The following MYT1L variants were observed in gnomAD, a reference collection of about 807,000 sequenced individuals.
The protein encoded by MYT1L is myelin transcription factor 1 like, also known as myelin transcription factor 1-like protein.
A neutral mutation model predicts 126.7 loss-of-function variants in MYT1L; 12 were observed. The ratio of observed to expected loss-of-function variants is 0.09; its 90% CI spans 0.06 to 0.15. The LOEUF is 0.15. MYT1L is among the 10% of genes least tolerant of loss of function. MYT1L has a pLI of 1.00. For missense variants in MYT1L, 979 were observed against 1,585.2 expected, an observed-to-expected ratio of 0.62 and a Z score of 6.49; for synonymous variants, 541 against 604.2, an observed-to-expected ratio of 0.90 and a Z score of 1.53.
At chr2:1,956,633 T>C (rs1255104087) in intron 8 of MYT1L, among the ~76,000 whole-genome samples, 1 of 151,692 alleles carries the variant, frequency 6.6e-6, no homozygotes, top group Non-Finnish European at 1.5e-5. Context: ...CCTACCTACC[T>C]ATCTAGCTAT....
chr2:1,990,270 T>C lies in MYT1L; in HGVS notation c.-1+6921A>G, dbSNP rs191797634. 3.2e-3 allele frequency among the ~76,000 whole-genome samples: 487 copies of C among 152,316 alleles called. 2 individuals carry two copies. Among genetic ancestry groups the C allele is most frequent in the African/African-American group, 0.011 (475 of 41,568 alleles). ...TACCACCAGTGAGGGCTCCTCACCC[T>C]CTATCCTCTATTGTACCTATTTATA... On this transcript the variant is annotated intron_variant, in intron 5 of 24. Coordinates refer to ENST00000647738, the MANE Select transcript of MYT1L (RefSeq NM_001303052.2).
chr2:2,133,204 A>G (rs774448414), intron 3 of MYT1L, among the ~76,000 whole-genome samples: 1 of 152,210 alleles, frequency 6.6e-6, no homozygotes, highest in Non-Finnish European at 1.5e-5. Context: ...GGAAGATCAC[A>G]GGACGGCAGT....
intron 18 of MYT1L, among the ~76,000 whole-genome samples, chr2:1,878,854 C>T (rs751772580): frequency 6.6e-6 from 1 of 152,110 alleles, no homozygotes; most frequent in Non-Finnish European, 1.5e-5. Flanking sequence ...TGGAGGTAGA[C>T]GAGATGTCTC....
intron 3 of MYT1L, among the ~76,000 whole-genome samples, chr2:2,138,845 TAAAAAAA>T (rs762275890): frequency 1.5e-5 from 2 of 129,996 alleles, no homozygotes; most frequent in South Asian, 2.5e-4. Context: ...AAAGTATAAT[TAAAAAAA>T]AAAAAAAAAG....
At chr2:2,045,559 A>G (rs2068074846) in intron 4 of MYT1L, among the ~76,000 whole-genome samples, 1 of 152,172 alleles carries the variant, frequency 6.6e-6, no homozygotes, top group African/African-American at 2.4e-5. Flanking sequence ...TCTTTTGCTC[A>G]CCCCTCTCAT....
At chr2:2,048,771 C>T (rs185096647) in intron 4 of MYT1L, among the ~76,000 whole-genome samples, 1,720 of 152,236 alleles carry the variant, frequency 0.011, 18 homozygotes, top group Non-Finnish European at 0.018. Flanking sequence ...ATCAGGGTGT[C>T]GCCTGACTTC....
At chr2:2,123,721 A>G (rs1388361054) in intron 3 of MYT1L, among the ~76,000 whole-genome samples, 1 of 152,160 alleles carries the variant, frequency 6.6e-6, no homozygotes, top group African/African-American at 2.4e-5. Context: ...TAAATTACTT[A>G]GTCTCGGGTA....
chr2:2,200,606 C>T (rs72769223), intron 2 of MYT1L, among the ~76,000 whole-genome samples: 23,091 of 152,172 alleles, frequency 0.15, 1,782 homozygotes, highest in African/African-American at 0.19. Flanking sequence ...ACATATTCAC[C>T]GGTTCCAGGA....
At chr2:1,950,112 G>A (rs1464788069) in intron 8 of MYT1L, among the ~76,000 whole-genome samples, 1 of 151,756 alleles carries the variant, frequency 6.6e-6, no homozygotes, top group Non-Finnish European at 1.5e-5. Flanking sequence ...AGATTCTGCT[G>A]TAATTCCTAA....
At chr2:2,326,379 G>A (rs905360360) in intron 1 of MYT1L, 1 of 152,276 alleles carries the variant, frequency 6.6e-6, no homozygotes, top group Non-Finnish European at 1.5e-5. Context: ...TCTGAAGACC[G>A]AGCTCTTCCC....
chr2:2,068,730 T>A (rs1357954692), intron 3 of MYT1L, among the ~76,000 whole-genome samples: 2 of 95,546 alleles, frequency 2.1e-5, no homozygotes, highest in Admixed American at 9.5e-5. Flanking sequence ...AATACTGGCT[T>A]TTTTTTTTTT....
intron 4 of MYT1L, among the ~76,000 whole-genome samples, chr2:2,011,936 A>C (rs1226583283): frequency 6.6e-6 from 1 of 152,214 alleles, no homozygotes; most frequent in Admixed American, 6.5e-5. Flanking sequence ...GGATGGCCCC[A>C]GGTGCTAGAC....
chr2:1,980,998 C>T (rs576363524), intron 5 of MYT1L, among the ~76,000 whole-genome samples: 2 of 152,204 alleles, frequency 1.3e-5, no homozygotes, highest in African/African-American at 2.4e-5. Flanking sequence ...GGAAGAACAT[C>T]GGGACTGAGT....
At chr2:1,956,404 G>GTCTGTCTA (rs1553355243) in intron 8 of MYT1L, among the ~76,000 whole-genome samples, 7 of 81,698 alleles carry the variant, frequency 8.6e-5, no homozygotes, top group Admixed American at 2.1e-4. Context: ...CTATCTGTCT[G>GTCTGTCTA]TCTATCTATC....
At chr2:2,259,822 G>C (rs1175285797) in intron 2 of MYT1L, among the ~76,000 whole-genome samples, 1 of 152,134 alleles carries the variant, frequency 6.6e-6, no homozygotes, top group Admixed American at 6.6e-5. Flanking sequence ...AGGTGTGCTA[G>C]GTCACATTGT....
intron 21 of MYT1L, among the ~76,000 whole-genome samples, chr2:1,837,765 G>C (rs1007216784): frequency 6.6e-6 from 1 of 152,026 alleles, no homozygotes; most frequent in Non-Finnish European, 1.5e-5. Context: ...CCTCATGCTG[G>C]GTTCTGGGAG....
intron 2 of MYT1L, among the ~76,000 whole-genome samples, chr2:2,221,645 TC>T (rs1182740056): frequency 6.6e-6 from 1 of 152,196 alleles, no homozygotes; most frequent in East Asian, 1.9e-4. Context: ...CCAGGCTCCC[TC>T]AGGTCCATTA....
At chr2:2,303,817 C>T (rs1332425811) in intron 1 of MYT1L, 1 of 152,222 alleles carries the variant, frequency 6.6e-6, no homozygotes, top group Non-Finnish European at 1.5e-5. Context: ...AGCCACCTTC[C>T]TTCTCAGAGG....
At chr2:2,096,063 A>C (rs555381044) in intron 3 of MYT1L, among the ~76,000 whole-genome samples, 1 of 152,358 alleles carries the variant, frequency 6.6e-6, no homozygotes, top group South Asian at 2.1e-4. Context: ...ATAATTTAAA[A>C]TTTTTATTAA....
Sources: allele counts gnomAD v4.1 joint callset (sites outside exome capture counted in the v4.1 genomes callset), GRCh38; gene constraint gnomAD v4.1.1; transcripts MANE v1.5; gene names NCBI Gene and HGNC (gene_info 2026-07-23, HGNC 2026-07-21).